MGAT5: variants seen among roughly 807,000 people sequenced by gnomAD.
MGAT5 encodes alpha-1,6-mannosylglycoprotein 6-beta-N-acetylglucosaminyltransferase.
Under a neutral mutation model 94.3 loss-of-function variants are expected in MGAT5, and 30 were observed. The ratio of observed to expected loss-of-function variants is 0.32; its 90% CI spans 0.24 to 0.43. MGAT5 has a LOEUF of 0.43. Ranked by LOEUF, MGAT5 falls within the 20% of genes least tolerant of loss-of-function variation. The probability of loss-of-function intolerance (pLI) is 1.00; values close to 1 mark genes in which losing one functional copy is unlikely to be tolerated. For missense variants in MGAT5, 691 were observed against 905.5 expected (o/e 0.76, Z 3.04); for synonymous variants, 310 against 322.9 (o/e 0.96, Z 0.43).
At chr2:134,345,104 C>T in intron 8 of MGAT5, 40 bp downstream of exon 8, 3 of 1,585,054 alleles carry the variant, frequency 1.9e-6, no homozygotes, top group Non-Finnish European at 2.6e-6. Flanking sequence ...GTTTTTTTTC[C>T]CCTCCTTAAC....
chr2:134,285,158 C>A (rs1684927130), intron 2 of MGAT5, among the ~76,000 whole-genome samples: 1 of 151,758 alleles, frequency 6.6e-6, no homozygotes. Flanking sequence ...TTTTATAATG[C>A]TTGATAAGGC....
chr2:134,238,485 C>T (rs1210469474), intron 1 of MGAT5, among the ~76,000 whole-genome samples: 1 of 152,128 alleles, frequency 6.6e-6, no homozygotes, highest in East Asian at 1.9e-4. Context: ...TGTGCTTTCC[C>T]CATCTCATCA....
chr2:134,355,653 G>A (rs956501261), intron 9 of MGAT5, among the ~76,000 whole-genome samples: 8 of 152,216 alleles, frequency 5.3e-5, no homozygotes, highest in Admixed American at 6.5e-5. Context: ...AAATAAGAGC[G>A]AAGGCATTTG....
At chr2:134,180,946 A>G (rs1338651717) in intron 1 of MGAT5, among the ~76,000 whole-genome samples, 1 of 152,190 alleles carries the variant, frequency 6.6e-6, no homozygotes. Context: ...AGCTGCAGAT[A>G]CTTTCTCAGC....
intron 10 of MGAT5, among the ~76,000 whole-genome samples, chr2:134,399,414 T>C (rs1682907077): frequency 6.6e-6 from 1 of 152,238 alleles, no homozygotes; most frequent in South Asian, 2.1e-4. Flanking sequence ...CTGACAACAC[T>C]GCTCATTGAC....
chr2:134,233,855 C>T (rs534297232), intron 1 of MGAT5, among the ~76,000 whole-genome samples: 1 of 152,334 alleles, frequency 6.6e-6, no homozygotes, highest in Admixed American at 6.5e-5. Flanking sequence ...AATTCCCAAG[C>T]CTCTCTGCCA....
At position 134,150,897 on chromosome 2, in the gene MGAT5, T is replaced by C. The variant is rs568447865; in HGVS notation, c.-143+30606T>C. Among the ~76,000 whole-genome samples the C allele has an allele frequency of 3.3e-5, 5 of 152,322 alleles. No homozygotes were observed. In the East Asian group the frequency reaches 9.6e-4, roughly 29 times the overall value. ...TGTCTTCTGCTTTCAATCCCATTGTTTGGATCTCTGTGAGGCTCCAGGACT... is the reference window on the plus strand; with the variant it reads ...TGTCTTCTGCTTTCAATCCCATTGTCTGGATCTCTGTGAGGCTCCAGGACT... On this transcript the variant is annotated intron_variant, in intron 1 of 16. Coordinates refer to the MGAT5 transcript ENST00000409645.
intron 10 of MGAT5, among the ~76,000 whole-genome samples, chr2:134,374,198 A>G (rs1330544226): frequency 6.6e-6 from 1 of 152,212 alleles, no homozygotes; most frequent in Non-Finnish European, 1.5e-5. Context: ...GGCCAGTTGA[A>G]GGAAGTCTGA....
chr2:134,225,622 ATTCT>A (rs1681021519), intron 1 of MGAT5, among the ~76,000 whole-genome samples: 1 of 152,176 alleles, frequency 6.6e-6, no homozygotes, highest in South Asian at 2.1e-4. Flanking sequence ...CAGGAAAAGA[ATTCT>A]TTATTATCTT....
intron 4 of MGAT5, among the ~76,000 whole-genome samples, chr2:134,332,105 A>G (rs1688009524): frequency 6.6e-6 from 1 of 152,136 alleles, no homozygotes; most frequent in Admixed American, 6.6e-5. Context: ...TTCATATGGA[A>G]CCAAAAAAGA....
Position 134,245,673 on chromosome 2 carries a change from T to A in MGAT5, c.-142-8589T>A, listed in dbSNP as rs539270061. Among the ~76,000 whole-genome samples the A allele has an allele frequency of 2.0e-5, 3 of 152,338 alleles. No homozygotes were observed. In the East Asian group the frequency reaches 5.8e-4, roughly 29 times the overall value. On this transcript the variant is annotated intron_variant, in intron 1 of 16. Coordinates refer to the MGAT5 transcript ENST00000409645. Reference sequence around the variant, plus strand: ...AGACTACCCCCATCTCCTTTCCATCTGTCTTCTTTATACCTGTGAATGTCA... The same window carrying A: ...AGACTACCCCCATCTCCTTTCCATCAGTCTTCTTTATACCTGTGAATGTCA...
intron 2 of MGAT5, among the ~76,000 whole-genome samples, chr2:134,295,206 G>A (rs1685602695): frequency 2.6e-5 from 3 of 116,890 alleles, no homozygotes; most frequent in Non-Finnish European, 4.0e-5. Flanking sequence ...TCAGTGGTTC[G>A]AAGATGCCAG....
chr2:134,133,164 G>T (rs1686254821), intron 1 of MGAT5, among the ~76,000 whole-genome samples: 1 of 152,118 alleles, frequency 6.6e-6, no homozygotes, highest in South Asian at 2.1e-4. Flanking sequence ...CTGGCAGCTG[G>T]GCCTTATTGC....
chr2:134,428,997 A>C (rs994453849), intron 14 of MGAT5, among the ~76,000 whole-genome samples: 15 of 152,210 alleles, frequency 9.9e-5, no homozygotes, highest in African/African-American at 3.6e-4. Context: ...TCCTAGAAGT[A>C]AAGGCCAGGA....
chr2:134,171,482 G>A (rs1436813958), intron 1 of MGAT5, among the ~76,000 whole-genome samples: 14 of 152,118 alleles, frequency 9.2e-5, no homozygotes, highest in Non-Finnish European at 1.8e-4. Flanking sequence ...CCTTACTCCC[G>A]CTGAACTAAT....
At position 134,332,771 on chromosome 2, in the gene MGAT5, G is replaced by A. The variant is rs893252834; in HGVS notation, c.574-3446G>A. 1.3e-3 allele frequency among the ~76,000 whole-genome samples: 192 copies of A among 152,218 alleles called. 1 individual carries two copies. The highest frequency in any genetic ancestry group is 3.4e-3 in the Middle Eastern group (1 of 294). On this transcript the variant is annotated intron_variant, in intron 4 of 15. Coordinates refer to ENST00000281923, the MANE Select transcript of MGAT5 (RefSeq NM_002410.5). ...AAAACAACCCCATCAAAAAGTGGGC[G>A]AAGGACATGAACAGGCACTTCTCAA...
chr2:134,208,142 CTTTT>C (rs202005313), intron 1 of MGAT5, among the ~76,000 whole-genome samples: 6 of 145,262 alleles, frequency 4.1e-5, no homozygotes, highest in Non-Finnish European at 7.6e-5. Flanking sequence ...CTTGGCCGAA[CTTTT>C]TTTTTTTTTA....
intron 1 of MGAT5, among the ~76,000 whole-genome samples, chr2:134,197,809 A>AC (rs1679571739): frequency 6.6e-6 from 1 of 152,088 alleles, no homozygotes; most frequent in Admixed American, 6.6e-5. Context: ...TTGCCCTGCC[A>AC]CCCCCAGTGT....
At chr2:134,318,423 C>T (rs1315319438) in intron 3 of MGAT5, among the ~76,000 whole-genome samples, 4 of 152,154 alleles carry the variant, frequency 2.6e-5, no homozygotes, top group Non-Finnish European at 5.9e-5. Context: ...CCACTCTAAG[C>T]GCTTCTGCTG....
Sources: allele counts gnomAD v4.1 joint callset (sites outside exome capture counted in the v4.1 genomes callset), GRCh38; gene constraint gnomAD v4.1.1; transcripts MANE v1.5; gene names NCBI Gene and HGNC (gene_info 2026-07-23, HGNC 2026-07-21).